The following GPR149 variants were observed in gnomAD, a reference collection of about 807,000 sequenced individuals.
The protein encoded by GPR149 is G protein-coupled receptor 149, also known as probable G protein-coupled receptor 149.
GPR149 carries 50 observed loss-of-function variants against 50.2 expected under a neutral mutation model. The ratio of observed to expected loss-of-function variants is 1.00; its 90% CI spans 0.79 to 1.26. The LOEUF is 1.26. Among genes scored for constraint, GPR149 ranks in the 50% most tolerant of loss-of-function variants. The probability of loss-of-function intolerance (pLI) is 0.00; values close to 1 mark genes in which losing one functional copy is unlikely to be tolerated. For synonymous variants in GPR149, 405 were observed against 358.2 expected (o/e 1.13, Z -1.48); for missense variants, 983 against 895.4 (o/e 1.10, Z -1.25).
chr3:154,365,980 T>G (rs914126525), intron 3 of GPR149, among the ~76,000 whole-genome samples: 1 of 152,208 alleles, frequency 6.6e-6, no homozygotes, highest in African/African-American at 2.4e-5. Context: ...ACTTTAAAAC[T>G]GGTCAAGCCT....
intron 1 of GPR149, 54 bp downstream of exon 1, chr3:154,428,581 C>A: frequency 6.4e-7 from 1 of 1,554,092 alleles, no homozygotes; most frequent in South Asian, 1.2e-5. Flanking sequence ...TCCCAACACT[C>A]ATTTACACTG....
At chr3:154,361,852 A>T (rs916447189) in intron 3 of GPR149, among the ~76,000 whole-genome samples, 1 of 152,228 alleles carries the variant, frequency 6.6e-6, no homozygotes, top group Non-Finnish European at 1.5e-5. Context: ...TTGTTTACAA[A>T]TGCCAGTCTT....
intron 3 of GPR149, among the ~76,000 whole-genome samples, chr3:154,355,749 T>C (rs1462264542): frequency 1.3e-5 from 2 of 152,226 alleles, no homozygotes; most frequent in Admixed American, 6.5e-5. Flanking sequence ...ACTCATTCAA[T>C]TGGATGTTAG....
At chr3:154,386,043 T>A (rs913560238) in intron 3 of GPR149, among the ~76,000 whole-genome samples, 5 of 152,208 alleles carry the variant, frequency 3.3e-5, no homozygotes, top group African/African-American at 1.2e-4. Context: ...GACTAATGGC[T>A]TGTGACAAAT....
intron 3 of GPR149, among the ~76,000 whole-genome samples, chr3:154,410,863 A>G (rs1274929758): frequency 6.6e-6 from 1 of 152,148 alleles, no homozygotes; most frequent in Non-Finnish European, 1.5e-5. Flanking sequence ...TTTACAAAAC[A>G]TTCTACCCAA....
intron 3 of GPR149, among the ~76,000 whole-genome samples, chr3:154,377,913 A>G (rs1368414667): frequency 6.6e-6 from 1 of 152,050 alleles, no homozygotes; most frequent in Non-Finnish European, 1.5e-5. Context: ...GGTTATATAT[A>G]TTTAAATTTT....
chr3:154,344,794 T>C (rs1456283449), intron 3 of GPR149, among the ~76,000 whole-genome samples: 1 of 152,176 alleles, frequency 6.6e-6, no homozygotes, highest in East Asian at 1.9e-4. Flanking sequence ...GGGAGCATGG[T>C]CTTCCCAACA....
intron 3 of GPR149, chr3:154,353,875 T>A (rs955135750): frequency 1.7e-6 from 1 of 582,472 alleles, no homozygotes; most frequent in African/African-American, 1.9e-5. Flanking sequence ...CCCTTTGATG[T>A]TTCAGAAGCT....
intron 3 of GPR149, among the ~76,000 whole-genome samples, chr3:154,411,373 CA>C (rs1288983181): frequency 3.3e-5 from 5 of 151,166 alleles, no homozygotes; most frequent in East Asian, 1.9e-4. Flanking sequence ...TTGAAACAAA[CA>C]AAAAAAATTA....
At chr3:154,405,584 T>TTAA (rs1711662868) in intron 3 of GPR149, among the ~76,000 whole-genome samples, 1 of 7,336 alleles carries the variant, frequency 1.4e-4, no homozygotes, top group Admixed American at 1.5e-3. Flanking sequence ...CAAGACTCCA[T>TTAA]CAAAAAAAAA....
chr3:154,399,919 G>T (rs1184574320), intron 3 of GPR149, among the ~76,000 whole-genome samples: 1 of 152,054 alleles, frequency 6.6e-6, no homozygotes, highest in Non-Finnish European at 1.5e-5. Context: ...TGCATATCTG[G>T]AGGTTCTCTC....
chr3:154,353,810 C>G, intron 3 of GPR149: 1 of 682,362 alleles, frequency 1.5e-6, no homozygotes, highest in South Asian at 1.6e-5. Flanking sequence ...GCTATTAAAT[C>G]TTTTCTTTCA....
intron 3 of GPR149, among the ~76,000 whole-genome samples, chr3:154,361,523 T>C (rs1714399781): frequency 6.6e-6 from 1 of 152,236 alleles, no homozygotes; most frequent in Non-Finnish European, 1.5e-5. Context: ...CATTCATTAT[T>C]TATATAGTGG....
chr3:154,427,821 C>T, intron 1 of GPR149, 113 bp from the exon 2 acceptor site: 2 of 972,382 alleles, frequency 2.1e-6, no homozygotes, highest in Non-Finnish European at 1.5e-6. Context: ...TCCTGATGGA[C>T]AGCGGGGACC....
chr3:154,351,685 CAG>C (rs1714085324), intron 3 of GPR149, among the ~76,000 whole-genome samples: 1 of 152,140 alleles, frequency 6.6e-6, no homozygotes, highest in Non-Finnish European at 1.5e-5. Context: ...TAGCAAAAGA[CAG>C]ACAATCTGTT....
rs151238215 is a variant in GPR149 at position 154,342,793 on chromosome 3, C to A, written c.1624-4522G>T. Among the ~76,000 whole-genome samples, 1,081 of 152,176 alleles carry A rather than the reference C, an allele frequency of 7.1e-3. 12 individuals carry two copies. Among genetic ancestry groups the A allele is most frequent in the African/African-American group, 0.025 (1,044 of 41,522 alleles). The stretch of plus-strand genomic sequence containing the variant: ...CCATAAAACATAAACAGAAAAAAAC[C>A]CCAGCAGAAATAAAAAGATTGATGC... On this transcript the variant is annotated intron_variant, in intron 3 of 3. Transcript: ENST00000389740.
At chr3:154,403,956 T>C (rs1711611609) in intron 3 of GPR149, among the ~76,000 whole-genome samples, 1 of 152,212 alleles carries the variant, frequency 6.6e-6, no homozygotes, top group South Asian at 2.1e-4. Context: ...AATGAAGTTT[T>C]AAATTTAAAA....
intron 3 of GPR149, among the ~76,000 whole-genome samples, chr3:154,401,423 T>C (rs1159969191): frequency 1.3e-5 from 2 of 152,206 alleles, no homozygotes; most frequent in Non-Finnish European, 2.9e-5. Flanking sequence ...AGATGGCATA[T>C]TTTTGCCTTG....
chr3:154,418,028 A>C (rs1417575391), intron 3 of GPR149, among the ~76,000 whole-genome samples: 2 of 151,446 alleles, frequency 1.3e-5, no homozygotes, highest in South Asian at 2.1e-4. Flanking sequence ...ACTTCTCAAA[A>C]GAAGACATTT....
Sources: allele counts gnomAD v4.1 joint callset (sites outside exome capture counted in the v4.1 genomes callset), GRCh38; gene constraint gnomAD v4.1.1; transcripts MANE v1.5; gene names NCBI Gene and HGNC (gene_info 2026-07-23, HGNC 2026-07-21).